Variants in RILPL1 observed in about 807,000 individuals in gnomAD.
The protein encoded by RILPL1 is Rab interacting lysosomal protein like 1.
Under a neutral mutation model 50.3 loss-of-function variants are expected in RILPL1, and 33 were observed. The ratio of observed to expected loss-of-function variants is 0.66; its 90% confidence interval spans 0.50 to 0.88. The LOEUF is 0.88. Among genes scored for constraint, RILPL1 ranks in the 40% least tolerant of loss-of-function variants. RILPL1 has a pLI of 0.00. For missense variants in RILPL1, 418 were observed against 542.5 expected (o/e 0.77, Z 2.28); for synonymous variants, 205 against 228.6 (o/e 0.90, Z 0.93).
At position 123,483,038 on chromosome 12, in the gene RILPL1, T is replaced by TG. The variant is rs148886761; in HGVS notation, c.1067+1141_1067+1142insC. On this transcript the variant is annotated intron_variant, in intron 6 of 6. Coordinates refer to ENST00000376874, the MANE Select transcript of RILPL1 (RefSeq NM_178314.5). Reference sequence around the variant, plus strand: ...GATTTTAAAGGTTGGGGTATATGGGTAACACTCCACTTCCTCTCCCTACAC... The same window carrying TG: ...GATTTTAAAGGTTGGGGTATATGGGTGAACACTCCACTTCCTCTCCCTACAC... Among the ~76,000 whole-genome samples the TG allele has an allele frequency of 3.2e-3, 487 of 151,662 alleles. 1 individual carries two copies. The highest frequency in any genetic ancestry group is 0.011 in the African/African-American group (468 of 41,350).
At chr12:123,490,080 G>A (rs570029734) in intron 4 of RILPL1, among the ~76,000 whole-genome samples, 1 of 152,106 alleles carries the variant, frequency 6.6e-6, no homozygotes, top group South Asian at 2.1e-4. Flanking sequence ...GCAGGCAGCA[G>A]TGGCCCCTGC....
intron 2 of RILPL1, among the ~76,000 whole-genome samples, chr12:123,504,141 G>T (rs1282148325): frequency 6.6e-6 from 1 of 152,156 alleles, no homozygotes; most frequent in Admixed American, 6.6e-5. Flanking sequence ...AGGTGCTGGG[G>T]CTGCCAGTGC....
At chr12:123,523,022 T>A (rs1885123427) in intron 2 of RILPL1, among the ~76,000 whole-genome samples, 2 of 152,148 alleles carry the variant, frequency 1.3e-5, no homozygotes, top group Non-Finnish European at 1.5e-5. Context: ...AGGGTTCAAA[T>A]GTGACCTCCT....
intron 4 of RILPL1, among the ~76,000 whole-genome samples, chr12:123,493,376 G>A (rs958333458): frequency 7.2e-5 from 11 of 152,204 alleles, no homozygotes; most frequent in East Asian, 3.9e-4. Flanking sequence ...TCCCCCTCTC[G>A]GAGAAACACC....
intron 2 of RILPL1, 102 bp from the exon 3 acceptor site, chr12:123,499,638 C>T (rs577316875): frequency 1.1e-4 from 92 of 843,676 alleles, no homozygotes; most frequent in South Asian, 8.0e-4. Context: ...AGTGGCCCCC[C>T]GGCCTCCTCC....
At chr12:123,479,540 C>T (rs1167606480) in intron 6 of RILPL1, among the ~76,000 whole-genome samples, 1 of 152,210 alleles carries the variant, frequency 6.6e-6, no homozygotes, top group Non-Finnish European at 1.5e-5. Context: ...AGATCTGTCC[C>T]TGCCCAGGCC....
At chr12:123,487,390 C>T (rs975939006) in intron 4 of RILPL1, among the ~76,000 whole-genome samples, 3 of 152,104 alleles carry the variant, frequency 2.0e-5, no homozygotes, top group Admixed American at 6.5e-5. Flanking sequence ...TCAACCTCTG[C>T]CTCCTGGGTT....
intron 1 of RILPL1, 23 bp from the exon 2 acceptor site, chr12:123,523,668 TG>T (rs1566145829): frequency 1.2e-6 from 2 of 1,609,036 alleles, no homozygotes; most frequent in Non-Finnish European, 1.7e-6. Context: ...GGGGACAGCA[TG>T]GGGTCACTGC....
Position 123,471,102 on chromosome 12 carries a change from A to C in RILPL1, c.*1436T>G. ...TTTTTTTTTTTTTAGATGAAGTCTC[A>C]CTCTGTCGCCCAGGCTGGAGTGCAA... On this transcript the variant is annotated 3_prime_UTR_variant, in exon 7 of 7. Transcript: ENST00000376874. The C allele has an allele frequency of 7.3e-6, 1 of 137,434 alleles. No homozygotes were observed. The highest frequency in any genetic ancestry group is 2.8e-5 in the African/African-American group (1 of 36,214). 8.5% of individuals were successfully genotyped at this position (137,434 alleles called of 1,614,324 possible).
intron 1 of RILPL1, among the ~76,000 whole-genome samples, chr12:123,530,046 T>C (rs1171650525): frequency 6.6e-6 from 1 of 151,948 alleles, no homozygotes; most frequent in Non-Finnish European, 1.5e-5. Context: ...AAAGATGTAG[T>C]AGGAAAAAAA....
At chr12:123,488,600 C>T (rs1034648878) in intron 4 of RILPL1, among the ~76,000 whole-genome samples, 1 of 152,208 alleles carries the variant, frequency 6.6e-6, no homozygotes, top group African/African-American at 2.4e-5. Context: ...AGGCTGGAAC[C>T]GGCTGTTCTG....
intron 2 of RILPL1, among the ~76,000 whole-genome samples, chr12:123,510,979 GGT>G (rs200275753): frequency 5.3e-5 from 7 of 132,588 alleles, no homozygotes; most frequent in Middle Eastern, 4.9e-3. Context: ...GTGTGTGTGT[GGT>G]GTGTGTGAGG....
chr12:123,490,044 C>T (rs1197670788), intron 4 of RILPL1, among the ~76,000 whole-genome samples: 1 of 152,150 alleles, frequency 6.6e-6, no homozygotes, highest in Non-Finnish European at 1.5e-5. Context: ...TTTCCATCCC[C>T]TTTCTCCTTC....
chr12:123,533,402 C>G lies in RILPL1; in HGVS notation c.81G>C (p.Val27=). ...KNVAELTVMD[V]YDIASLVGHE... ...GGCCCACAAGCGACGCGATGTCGTA[C>G]ACGTCCATGACGGTCAGCTCGGCCA... Residue 27 remains valine (V), a synonymous_variant, in exon 1 of 7, where the codon GTG becomes GTC. Transcript: ENST00000376874. This position sits in a 1 kb window ranked among gnomAD's most constrained non-coding sequence, Gnocchi z 6.2. 2 of 1,553,520 alleles carry G rather than the reference C, an allele frequency of 1.3e-6. No individual in the cohort carries two copies. Among genetic ancestry groups the G allele is most frequent in the Non-Finnish European group, 1.7e-6 (2 of 1,149,990 alleles).
intron 2 of RILPL1, among the ~76,000 whole-genome samples, chr12:123,521,510 T>C (rs900392764): frequency 1.4e-5 from 2 of 146,578 alleles, no homozygotes; most frequent in African/African-American, 5.0e-5. Flanking sequence ...TATATGTTTT[T>C]ATAAATTTAT....
chr12:123,490,178 C>T (rs1426477296), intron 4 of RILPL1, among the ~76,000 whole-genome samples: 1 of 152,114 alleles, frequency 6.6e-6, no homozygotes, highest in Non-Finnish European at 1.5e-5. Flanking sequence ...GGCCTTGCCT[C>T]TCCTGTGTCT....
At position 123,470,752 on chromosome 12, in the gene RILPL1, T is replaced by A. The variant is rs1172203057; in HGVS notation, c.*1786A>T. The A allele has an allele frequency of 6.6e-6, 1 of 152,132 alleles. No individual in the cohort carries two copies. Among genetic ancestry groups the A allele is most frequent in the Non-Finnish European group, 1.5e-5 (1 of 68,040 alleles). 9.4% of individuals were successfully genotyped at this position (152,132 alleles called of 1,614,324 possible). A position where few individuals can be genotyped will look rare whatever the true frequency, so the allele number is the denominator to read the frequency against. On this transcript the variant is annotated 3_prime_UTR_variant, in exon 7 of 7. Transcript: ENST00000376874. ...TGAGCAGAGATGGTGCCACTATACT[T>A]TGGCTTGGGCAATAGAGCAAGACTA...
At chr12:123,487,856 C>T (rs930113023) in intron 4 of RILPL1, among the ~76,000 whole-genome samples, 2 of 152,204 alleles carry the variant, frequency 1.3e-5, no homozygotes, top group Non-Finnish European at 2.9e-5. Context: ...CCGTTTCCCA[C>T]GGCAGCTGCT....
intron 2 of RILPL1, among the ~76,000 whole-genome samples, chr12:123,519,138 C>CA (rs1884883029): frequency 6.6e-6 from 1 of 150,500 alleles, no homozygotes; most frequent in Non-Finnish European, 1.5e-5. Flanking sequence ...AGAAGAATGA[C>CA]AATGACTTCT....
Sources: allele counts gnomAD v4.1 joint callset (sites outside exome capture counted in the v4.1 genomes callset), GRCh38; gene constraint gnomAD v4.1.1; non-coding constraint Gnocchi (gnomAD v3.1); transcripts MANE v1.5; gene names NCBI Gene and HGNC (gene_info 2026-07-23, HGNC 2026-07-21).